Variants in PSMC1 observed in about 807,000 individuals in gnomAD.
PSMC1 encodes the protein proteasome 26S subunit, ATPase 1.
Under a neutral mutation model 49.8 loss-of-function variants are expected in PSMC1, and 5 were observed. The ratio of observed to expected loss-of-function variants is 0.10; its 90% CI spans 0.05 to 0.21. The LOEUF is 0.21. PSMC1 is among the 10% of genes least tolerant of loss of function. The probability of loss-of-function intolerance (pLI) is 1.00; values close to 1 mark genes in which losing one functional copy is unlikely to be tolerated. For missense variants in PSMC1, 181 were observed against 535.7 expected, an observed-to-expected ratio of 0.34 and a Z score of 6.54; for synonymous variants, 155 against 192.1, an observed-to-expected ratio of 0.81 and a Z score of 1.60.
At chr14:90,266,475 C>T (rs1382308252) in intron 7 of PSMC1, among the ~76,000 whole-genome samples, 2 of 152,220 alleles carry the variant, frequency 1.3e-5, no homozygotes, top group Non-Finnish European at 2.9e-5. Context: ...CCCTCTTCTA[C>T]AGCCCCTCAT....
At chr14:90,270,656 T>G in intron 10 of PSMC1, 2 of 245,076 alleles carry the variant, frequency 8.2e-6, no homozygotes, top group Non-Finnish European at 7.9e-6. Context: ...CAGTCCCAGG[T>G]CAGGGGAAGG....
Position 90,273,983 on chromosome 14 carries a change from T to C in PSMC1, c.*1576T>C, listed in dbSNP as rs1034177121. ...TTTCCCTGTTTTAAAGTTTACAATC[T>C]TCTTAATTTTTATCTGCAAAGTTCC... On this transcript the variant is annotated 3_prime_UTR_variant, in exon 11 of 11. Coordinates refer to ENST00000261303, the MANE Select transcript of PSMC1 (RefSeq NM_002802.3). 1.5e-5 allele frequency: 1 copy of C among 68,482 alleles called. No individual in the cohort carries two copies. The highest frequency in any genetic ancestry group is 3.9e-5 in the African/African-American group (1 of 25,716). 4.2% of individuals were successfully genotyped at this position (68,482 alleles called of 1,614,324 possible).
At position 90,273,117 on chromosome 14, in the gene PSMC1, T is replaced by A. The variant is rs1248671339; in HGVS notation, c.*710T>A. 6.6e-6 allele frequency: 1 copy of A among 152,202 alleles called. No homozygotes were observed. Among genetic ancestry groups the A allele is most frequent in the East Asian group, 1.9e-4 (1 of 5,182 alleles). The allele number at this position is 152,202 out of a possible 1,614,324, so 9.4% of individuals were successfully genotyped here. Reference sequence around the variant, plus strand: ...TCCGTCATTTCTCTTTCTGAACAAATCAGGCCTAAAGCTATTAAGTGGGAC... The same window carrying A: ...TCCGTCATTTCTCTTTCTGAACAAAACAGGCCTAAAGCTATTAAGTGGGAC... On this transcript the variant is annotated 3_prime_UTR_variant, in exon 11 of 11. Transcript: ENST00000261303.
rs2139645372 is a variant in PSMC1, at chr14:90,263,397, C to T, written c.234C>T (p.Phe78=). The change falls in exon 4 of 11, where the codon TTC becomes TTT. Residue 78 remains phenylalanine, a synonymous_variant. Coordinates refer to ENST00000261303, the MANE Select transcript of PSMC1 (RefSeq NM_002802.3). ...IKDYLLMEEE[F]IRNQEQMKPL... is the part of the protein sequence containing the mutation. Reference sequence around the variant, plus strand: ...ACTATCTTCTCATGGAGGAAGAATTCATTAGAAATCAGGAACAAATGAAAC... The same window carrying T: ...ACTATCTTCTCATGGAGGAAGAATTTATTAGAAATCAGGAACAAATGAAAC... 6.3e-7 allele frequency: 1 copy of T among 1,591,468 alleles called. No homozygotes were observed. The highest frequency in any genetic ancestry group is 2.2e-5 in the East Asian group (1 of 44,750).
chr14:90,256,803 C>T (rs1030248487), intron 1 of PSMC1, among the ~76,000 whole-genome samples: 1 of 152,172 alleles, frequency 6.6e-6, no homozygotes, highest in African/African-American at 2.4e-5. Flanking sequence ...GGGCCTTGCC[C>T]GGGGATCCTG....
At chr14:90,268,034 G>C (rs2236402) in intron 7 of PSMC1, 190 bp from the exon 8 acceptor site, 138,493 of 505,730 alleles carry the variant, frequency 0.27, 20,384 homozygotes, top group Middle Eastern at 0.35. Context: ...AAACATGTTA[G>C]TAGATTTTTC....
At chr14:90,266,059 C>G (rs1346361234) in intron 7 of PSMC1, among the ~76,000 whole-genome samples, 1 of 151,936 alleles carries the variant, frequency 6.6e-6, no homozygotes. Context: ...AGTTCAAGAC[C>G]AGCCCGGCCA....
In PSMC1 at chr14:90,270,318, T is replaced by C. The variant is rs1384989725; in HGVS notation, c.1154T>C (p.Met385Thr). 1.2e-6 allele frequency: 2 copies of C among 1,613,658 alleles called. No individual in the cohort carries two copies. The highest frequency in any genetic ancestry group is 1.7e-6 in the Non-Finnish European group (2 of 1,179,936). Residue 385 changes from methionine (M) to threonine (T), a missense_variant, in exon 10 of 11, where the codon ATG becomes ACG. Met to Thr is a moderately conservative substitution (Grantham distance 81). Coordinates refer to ENST00000261303, the MANE Select transcript of PSMC1 (RefSeq NM_002802.3). ...GATGTAACCCTGGACGACCTGATCA[T>C]GGCTAAAGATGACCTCTCTGGTGCT... ...ADDVTLDDLIMAKDDLSGADI... is the reference protein window; with the variant it reads ...ADDVTLDDLITAKDDLSGADI...
rs562110783 is a variant in PSMC1, at chr14:90,259,707, C to T, written c.58-408C>T. Among the ~76,000 whole-genome samples, 6 of 152,126 alleles carry T rather than the reference C, an allele frequency of 3.9e-5. No homozygotes were observed. In the South Asian group the frequency reaches 8.3e-4, roughly 21 times the overall value. On this transcript the variant is annotated intron_variant, in intron 2 of 10. Coordinates refer to ENST00000261303, the MANE Select transcript of PSMC1 (RefSeq NM_002802.3). ...CATGATCTCGGCTCACTGCAACCTC[C>T]GCCTCCTGGGTTCAAGCAATTCTCC... is the stretch of plus-strand genomic sequence containing the variant.
intron 2 of PSMC1, 45 bp from the exon 3 acceptor site, chr14:90,260,070 T>C: frequency 2.5e-6 from 3 of 1,186,344 alleles, no homozygotes; most frequent in Admixed American, 2.3e-5. Flanking sequence ...TGTTTTAATA[T>C]GATTTTCATG....
chr14:90,263,274 A>G (rs1418036005), intron 3 of PSMC1, 44 bp from the exon 4 acceptor site: 1 of 1,547,482 alleles, frequency 6.5e-7, no homozygotes, highest in Non-Finnish European at 8.7e-7. Context: ...TTACTTGCAA[A>G]CTTCAGGGTC....
At chr14:90,265,896 CAA>C (rs1891500582) in intron 7 of PSMC1, among the ~76,000 whole-genome samples, 1 of 151,800 alleles carries the variant, frequency 6.6e-6, no homozygotes, top group Non-Finnish European at 1.5e-5. Context: ...GACCCTTCCT[CAA>C]AGATTTTGAT....
In PSMC1 at chr14:90,274,478, G is replaced by A. The variant is rs1027986103; in HGVS notation, c.*2071G>A. On this transcript the variant is annotated 3_prime_UTR_variant, in exon 11 of 11. Coordinates refer to ENST00000261303, the MANE Select transcript of PSMC1 (RefSeq NM_002802.3). ...AACAAGAACGACCTCTGTCCACTGG[G>A]AGCACCTGGGAACAGTGACACCCCA... 54 of 152,632 alleles carry A rather than the reference G, an allele frequency of 3.5e-4. No homozygotes were observed. Among genetic ancestry groups the A allele is most frequent in the African/African-American group, 1.3e-3 (54 of 41,500 alleles). The allele number at this position is 152,632 out of a possible 1,614,324, so 9.5% of individuals were successfully genotyped here.
At chr14:90,259,077 T>C in intron 1 of PSMC1, 83 bp from the exon 2 acceptor site, 1 of 1,317,876 alleles carries the variant, frequency 7.6e-7, no homozygotes, top group African/African-American at 1.5e-5. Context: ...GGACATGTTA[T>C]AGACTCACAG....
intron 7 of PSMC1, among the ~76,000 whole-genome samples, chr14:90,267,145 T>A (rs957317574): frequency 6.6e-6 from 1 of 151,862 alleles, no homozygotes; most frequent in Admixed American, 6.6e-5. Flanking sequence ...TTTTTTTTTT[T>A]TTGAGACGGA....
chr14:90,256,837 A>G (rs1891303926), intron 1 of PSMC1, among the ~76,000 whole-genome samples: 2 of 151,946 alleles, frequency 1.3e-5, no homozygotes, highest in Non-Finnish European at 2.9e-5. Context: ...GAGCAGAGAG[A>G]GGGTCTCCTG....
intron 9 of PSMC1, 60 bp downstream of exon 9, chr14:90,269,608 G>A: frequency 6.4e-7 from 1 of 1,557,536 alleles, no homozygotes; most frequent in Non-Finnish European, 8.7e-7. Flanking sequence ...GTGTTTAAGT[G>A]TGCTTTGGGA....
At chr14:90,257,183 A>G (rs755093224) in intron 1 of PSMC1, among the ~76,000 whole-genome samples, 3 of 146,304 alleles carry the variant, frequency 2.1e-5, no homozygotes, top group African/African-American at 5.0e-5. Flanking sequence ...AATTCACTAA[A>G]CAAGTATTTA....
In PSMC1 at chr14:90,272,247, T is replaced by G. The variant is rs577832355; in HGVS notation, c.1189-26T>G. ...TAGAATAAAAATGAGTATGTCACTT[T>G]CTGAACACACTCTTCTTTCTTACAG... On this transcript the variant is annotated intron_variant, in intron 10 of 10. Coordinates refer to ENST00000261303, the MANE Select transcript of PSMC1 (RefSeq NM_002802.3). This position sits in a 1 kb window ranked among gnomAD's most constrained non-coding sequence, Gnocchi z 4.5. 6.2e-7 allele frequency: 1 copy of G among 1,600,318 alleles called. No homozygotes were observed. The highest frequency in any genetic ancestry group is 1.1e-5 in the South Asian group (1 of 88,364).
Sources: allele counts gnomAD v4.1 joint callset (sites outside exome capture counted in the v4.1 genomes callset), GRCh38; gene constraint gnomAD v4.1.1; non-coding constraint Gnocchi (gnomAD v3.1); transcripts MANE v1.5; gene names NCBI Gene and HGNC (gene_info 2026-07-23, HGNC 2026-07-21).